The following LOC128071547 variants were observed in gnomAD, a reference collection of about 807,000 sequenced individuals.
At chr12:120,534,817 G>T in the LOC128071547 span, 6 of 1,581,074 alleles carry the variant, frequency 3.8e-6, no homozygotes, top group Admixed American at 3.6e-5. Context: ...CGTTGATGCC[G>T]CTGAGCTCCC....
At chr12:120,534,869 G>T in the LOC128071547 span, 1 of 1,608,290 alleles carries the variant, frequency 6.2e-7, no homozygotes, top group Non-Finnish European at 8.5e-7. Flanking sequence ...CAAGAACAGC[G>T]GCTCCAACAG....
the LOC128071547 span, chr12:120,534,929 G>T: frequency 1.2e-6 from 2 of 1,604,628 alleles, no homozygotes; most frequent in Non-Finnish European, 1.7e-6. Flanking sequence ...GCCCCGCTCC[G>T]CCTCGGCGGG....
the LOC128071547 span, chr12:120,534,952 G>A: frequency 1.7e-4 from 280 of 1,600,578 alleles, no homozygotes; most frequent in Non-Finnish European, 2.4e-4. Flanking sequence ...CAGCCGGCGA[G>A]TCTAAACCCA....
chr12:120,534,795 C>T, the LOC128071547 span: 22 of 1,553,880 alleles, frequency 1.4e-5, no homozygotes, highest in South Asian at 1.8e-4. Flanking sequence ...CTGCCGTCGC[C>T]GCCGAGGCCC....
chr12:120,534,786 T>A, the LOC128071547 span: 1 of 1,545,088 alleles, frequency 6.5e-7, no homozygotes, highest in East Asian at 2.4e-5. Context: ...CCGCTCCGAC[T>A]GCCGTCGCCG....
chr12:120,534,832 C>T, the LOC128071547 span: 11 of 1,595,272 alleles, frequency 6.9e-6, no homozygotes, highest in Non-Finnish European at 9.4e-6. Flanking sequence ...GCTCCCCCAA[C>T]GCCGCCGCCA....
chr12:120,534,759 T>A, the LOC128071547 span: 7 of 1,515,610 alleles, frequency 4.6e-6, no homozygotes, highest in Non-Finnish European at 6.1e-6. Context: ...TGAGCCTGGG[T>A]CCCCGCCGCG....
At chr12:120,534,769 G>C in the LOC128071547 span, 2 of 1,525,080 alleles carry the variant, frequency 1.3e-6, no homozygotes, top group Non-Finnish European at 1.7e-6. Context: ...TCCCCGCCGC[G>C]CCCGCTCCGC....
the LOC128071547 span, chr12:120,534,765 C>T: frequency 6.6e-7 from 1 of 1,520,282 alleles, no homozygotes; most frequent in Non-Finnish European, 8.8e-7. Flanking sequence ...TGGGTCCCCG[C>T]CGCGCCCGCT....
chr12:120,534,902 A>T, the LOC128071547 span: 1 of 1,607,926 alleles, frequency 6.2e-7, no homozygotes, highest in Non-Finnish European at 8.5e-7. Context: ...TTCGGGCAGC[A>T]GCAAAGGGCA....
At chr12:120,534,807 C>T in the LOC128071547 span, 7 of 1,568,558 alleles carry the variant, frequency 4.5e-6, no homozygotes, top group East Asian at 2.3e-5. Context: ...CCGAGGCCCC[C>T]GTTGATGCCG....
At chr12:120,534,947 G>A in the LOC128071547 span, 2 of 1,601,194 alleles carry the variant, frequency 1.2e-6, no homozygotes, top group Non-Finnish European at 1.7e-6. Flanking sequence ...GGGGCCAGCC[G>A]GCGAGTCTAA....
chr12:120,534,931 C>T, the LOC128071547 span: 1 of 1,603,492 alleles, frequency 6.2e-7, no homozygotes, highest in Non-Finnish European at 8.5e-7. Flanking sequence ...CCCGCTCCGC[C>T]TCGGCGGGGC....
chr12:120,534,847 C>T, the LOC128071547 span: 1 of 1,605,786 alleles, frequency 6.2e-7, no homozygotes, highest in African/African-American at 1.3e-5. Context: ...CCGCCACCGC[C>T]TCCGACATGG....
the LOC128071547 span, chr12:120,534,836 G>T: frequency 6.3e-6 from 10 of 1,598,310 alleles, no homozygotes; most frequent in South Asian, 4.4e-5. Context: ...CCCCAACGCC[G>T]CCGCCACCGC....
At chr12:120,534,807 C>G in the LOC128071547 span, 21 of 1,568,556 alleles carry the variant, frequency 1.3e-5, no homozygotes, top group Admixed American at 3.7e-5. Flanking sequence ...CCGAGGCCCC[C>G]GTTGATGCCG....
chr12:120,534,798 C>A, the LOC128071547 span: 4 of 1,557,720 alleles, frequency 2.6e-6, no homozygotes, highest in Admixed American at 7.7e-5. Flanking sequence ...CCGTCGCCGC[C>A]GAGGCCCCCG....
At chr12:120,534,953 T>G in the LOC128071547 span, 46 of 1,599,604 alleles carry the variant, frequency 2.9e-5, no homozygotes, top group South Asian at 4.9e-4. Flanking sequence ...AGCCGGCGAG[T>G]CTAAACCCAA....
chr12:120,534,936 C>T, the LOC128071547 span: 2 of 1,601,870 alleles, frequency 1.2e-6, no homozygotes, highest in Non-Finnish European at 1.7e-6. Context: ...TCCGCCTCGG[C>T]GGGGCCAGCC....
Sources: allele counts gnomAD v4.1 joint callset, GRCh38; gene constraint gnomAD v4.1.1; transcripts MANE v1.5.